ZNF518A: variants seen among roughly 807,000 people sequenced by gnomAD.
ZNF518A encodes the protein zinc finger protein 518A.
In ZNF518A, 47 loss-of-function variants were observed where a neutral mutation model predicts 102.7. That is an observed-to-expected ratio of 0.46 (90% CI 0.36 to 0.58). The LOEUF (loss-of-function observed/expected upper bound fraction) is 0.58, where lower values mean the gene tolerates loss of function less well. Among genes scored for constraint, ZNF518A ranks in the 20% least tolerant of loss-of-function variants. The pLI, the probability that ZNF518A is intolerant of heterozygous loss-of-function variation, is 0.00. For synonymous variants in ZNF518A, 652 were observed against 594.6 expected (o/e 1.10, Z -1.40); for missense variants, 1,793 against 1,699.8 (o/e 1.05, Z -0.96).
In ZNF518A at chr10:96,200,955, T is replaced by C. The variant is rs1554895948; in HGVS notation, n.36-2619T>C. 3 of 1,598,654 alleles carry C rather than the reference T, an allele frequency of 1.9e-6. No homozygotes were observed. Among genetic ancestry groups the C allele is most frequent in the Non-Finnish European group, 1.7e-6 (2 of 1,166,016 alleles). On this transcript the variant is annotated intron_variant and non_coding_transcript_variant, in intron 1 of 2. Coordinates refer to the ZNF518A transcript ENST00000442635. This position sits in a 1 kb window ranked among gnomAD's most constrained non-coding sequence, Gnocchi z 4.3. ...TTCCTGCAGTTTCCTGGTAACAATTTAGTGACATCAAGAGTTCATTTCATA... is the reference window on the plus strand; with the variant it reads ...TTCCTGCAGTTTCCTGGTAACAATTCAGTGACATCAAGAGTTCATTTCATA...
intron 3 of ZNF518A, among the ~76,000 whole-genome samples, chr10:96,147,130 C>G (rs1554878759): frequency 6.6e-6 from 1 of 152,156 alleles, no homozygotes; most frequent in Non-Finnish European, 1.5e-5. Flanking sequence ...TGCAGTTGAT[C>G]TGGATATAAA....
intron 1 of ZNF518A, among the ~76,000 whole-genome samples, chr10:96,184,546 C>A (rs1554892344): frequency 2.6e-5 from 4 of 151,942 alleles, no homozygotes; most frequent in Non-Finnish European, 2.9e-5. Flanking sequence ...GATTTTATTT[C>A]TCCTTCACTT....
At chr10:96,151,393 C>G (rs1554880370) in intron 3 of ZNF518A, 1 of 152,208 alleles carries the variant, frequency 6.6e-6, no homozygotes, top group Non-Finnish European at 1.5e-5. Flanking sequence ...GAAATAATGT[C>G]CTCTTTGCAT....
chr10:96,149,070 TAAA>T (rs2082309823), intron 3 of ZNF518A, among the ~76,000 whole-genome samples: 1 of 152,170 alleles, frequency 6.6e-6, no homozygotes, highest in Admixed American at 6.5e-5. Flanking sequence ...TAAAGCATAA[TAAA>T]AATAAATTGC....
At chr10:96,185,622 G>T (rs1398144277) in intron 1 of ZNF518A, among the ~76,000 whole-genome samples, 2 of 152,120 alleles carry the variant, frequency 1.3e-5, no homozygotes, top group African/African-American at 4.8e-5. Flanking sequence ...TCTTTGCCTG[G>T]GTATCACCAG....
downstream of ZNF518A, among the ~76,000 whole-genome samples, chr10:96,166,791 A>G (rs587717482): frequency 6.6e-5 from 10 of 152,290 alleles, no homozygotes; most frequent in South Asian, 2.1e-3. Flanking sequence ...GATCAGGGAA[A>G]GAGACAACCT....
intron 1 of ZNF518A, among the ~76,000 whole-genome samples, chr10:96,201,735 T>G (rs1554896211): frequency 9.7e-6 from 1 of 103,302 alleles, no homozygotes. Context: ...AAAAGACTTA[T>G]CTGCATTCAT....
Position 96,159,816 on chromosome 10 carries a change from C to T in ZNF518A, c.3494C>T (p.Ser1165Phe). The T allele has an allele frequency of 6.2e-7, 1 of 1,613,670 alleles. No individual in the cohort carries two copies. The highest frequency in any genetic ancestry group is 8.5e-7 in the Non-Finnish European group (1 of 1,179,778). ...GCTAATAATCTGTCAGTAAGCAACT[C>T]TGCATCCTCATTGCAAAAAGACAAC... ...TAANNLSVSNSASSLQKDNVP... is the reference protein window; with the variant it reads ...TAANNLSVSNFASSLQKDNVP... The change falls in exon 6 of 6, where the codon TCT becomes TTT. Residue 1165 changes from serine (S) to phenylalanine (F), a missense_variant. Physicochemically the swap from Ser to Phe is radical, Grantham distance 155. Coordinates refer to ENST00000316045, the MANE Select transcript of ZNF518A (RefSeq NM_001330736.2).
At chr10:96,164,565 T>C (rs587680139), downstream of ZNF518A, among the ~76,000 whole-genome samples, 2 of 152,354 alleles carry the variant, frequency 1.3e-5, no homozygotes, top group South Asian at 4.1e-4. Flanking sequence ...GTAATTAGTA[T>C]CTTGGAGGAA....
intron 1 of ZNF518A, chr10:96,189,239 A>C (rs1446975255): frequency 1.3e-5 from 5 of 382,204 alleles, no homozygotes; most frequent in Non-Finnish European, 2.5e-5. Flanking sequence ...AACCTGGACA[A>C]CATTTATTAA....
At position 96,158,724 on chromosome 10, in the gene ZNF518A, C is replaced by G; in HGVS notation, c.2402C>G (p.Ser801Cys). 7 of 1,613,408 alleles carry G rather than the reference C, an allele frequency of 4.3e-6. No homozygotes were observed. Among genetic ancestry groups the G allele is most frequent in the Non-Finnish European group, 5.9e-6 (7 of 1,179,604 alleles). Residue 801 changes from serine to cysteine, a missense_variant, in exon 6 of 6, where the codon TCT (serine) becomes TGT (cysteine). By Grantham distance (112) the Ser-to-Cys change is moderately radical. This residue lies in a region of ZNF518A where 1,741 missense variants were observed against 1,622.6 expected (regional missense o/e 1.07). Coordinates refer to ENST00000316045, the MANE Select transcript of ZNF518A (RefSeq NM_001330736.2). ...ATAAAACCTGATGTAAAACAAGACT[C>G]TAGTAACACTCCAAATAAAGGCTTG... is the stretch of plus-strand genomic sequence containing the variant. ...LKIKPDVKQD[S>C]SNTPNKGLPL...
At chr10:96,154,853 A>G (rs1156580322) in intron 3 of ZNF518A, among the ~76,000 whole-genome samples, 1 of 152,156 alleles carries the variant, frequency 6.6e-6, no homozygotes, top group Non-Finnish European at 1.5e-5. Context: ...TACCCTTCTG[A>G]TTAATTTATT....
At chr10:96,146,084 C>G (rs2082158960) in intron 3 of ZNF518A, among the ~76,000 whole-genome samples, 1 of 151,920 alleles carries the variant, frequency 6.6e-6, no homozygotes, top group South Asian at 2.1e-4. Flanking sequence ...AAATTAAACT[C>G]TATATGTCTA....
At chr10:96,153,131 G>A (rs2082530751) in intron 3 of ZNF518A, among the ~76,000 whole-genome samples, 1 of 152,218 alleles carries the variant, frequency 6.6e-6, no homozygotes, top group Non-Finnish European at 1.5e-5. Context: ...CTAAGTCCTG[G>A]AGTCCTAAGG....
Position 96,131,806 on chromosome 10 carries a change from A to AAT in ZNF518A, c.-452-778_-452-777dup, listed in dbSNP as rs753398827. Reference sequence around the variant, plus strand: ...CGGATTCTGTTCTAGTCTCTCTGGTAATAGTATGCTGTAATCCCAGAAGTT... The same window carrying AAT: ...CGGATTCTGTTCTAGTCTCTCTGGTAATATAGTATGCTGTAATCCCAGAAGTT... On this transcript the variant is annotated intron_variant, in intron 1 of 5. Coordinates refer to ENST00000316045, the MANE Select transcript of ZNF518A (RefSeq NM_001330736.2). Among the ~76,000 whole-genome samples, 228 of 152,336 alleles carry AAT rather than the reference A, an allele frequency of 1.5e-3. 5 individuals are homozygous for AAT. Among genetic ancestry groups the AAT allele is most frequent in the Non-Finnish European group, 5.0e-4 (34 of 68,036 alleles).
chr10:96,133,985 C>G (rs977307840), intron 3 of ZNF518A, among the ~76,000 whole-genome samples: 1 of 152,088 alleles, frequency 6.6e-6, no homozygotes, highest in African/African-American at 2.4e-5. Flanking sequence ...CTGTGTTATT[C>G]CTGAAGAGAT....
chr10:96,170,908 G>A (rs182068940), intron 1 of ZNF518A, among the ~76,000 whole-genome samples: 1 of 151,938 alleles, frequency 6.6e-6, no homozygotes, highest in East Asian at 1.9e-4. Context: ...GTGGGCAAAA[G>A]ATCTGAATAG....
chr10:96,179,811 T>C (rs1431026918), intron 1 of ZNF518A, among the ~76,000 whole-genome samples: 1 of 151,452 alleles, frequency 6.6e-6, no homozygotes, highest in African/African-American at 2.4e-5. Context: ...CCTCCTCTCC[T>C]CCTTCTCTTT....
At position 96,175,938 on chromosome 10, in the gene ZNF518A, T is replaced by C. The variant is rs79787514; in HGVS notation, n.35+19891T>C. Among the ~76,000 whole-genome samples, 1,056 of 124,712 alleles carry C rather than the reference T, an allele frequency of 8.5e-3. 41 individuals carry two copies. The East Asian group carries it at 0.22, about 26-fold the overall frequency. 81.8% of individuals were successfully genotyped at this position (124,712 alleles called of 152,430 possible). A position where few individuals can be genotyped will look rare whatever the true frequency, so the allele number is the denominator to read the frequency against. ...TCCTTCCTTCCTTCCTTCCTTCCTTTCTTTCCTCCTTCCTTTCTTTTGTTT... is the reference window on the plus strand; with the variant it reads ...TCCTTCCTTCCTTCCTTCCTTCCTTCCTTTCCTCCTTCCTTTCTTTTGTTT... On this transcript the variant is annotated intron_variant and non_coding_transcript_variant, in intron 1 of 2. Transcript: ENST00000442635.
Sources: gnomAD v4.1 joint callset for allele counts (sites outside exome capture counted in the v4.1 genomes callset) on GRCh38, gnomAD v4.1.1 for gene constraint, gnomAD v4.1.1 regional missense constraint, Gnocchi (gnomAD v3.1) non-coding constraint, MANE v1.5 for transcripts, NCBI Gene and HGNC (gene_info 2026-07-23, HGNC 2026-07-21) for gene names.